The following TRIP4 variants were observed in gnomAD, a reference collection of about 807,000 sequenced individuals.
TRIP4 encodes the protein activating signal cointegrator 1.
Under a neutral mutation model 81.8 loss-of-function variants are expected in TRIP4, and 54 were observed. That is an observed-to-expected ratio of 0.66 (90% CI 0.53 to 0.83). The LOEUF (loss-of-function observed/expected upper bound fraction) is 0.83, where lower values mean the gene tolerates loss of function less well. Among genes scored for constraint, TRIP4 ranks in the 40% least tolerant of loss-of-function variants. TRIP4 has a pLI of 0.00. For synonymous variants in TRIP4, 270 were observed against 242.8 expected (o/e 1.11, Z -1.04); for missense variants, 662 against 683.6 (o/e 0.97, Z 0.35).
At chr15:64,451,652 T>G (rs530141329) in intron 12 of TRIP4, among the ~76,000 whole-genome samples, 1 of 151,368 alleles carries the variant, frequency 6.6e-6, no homozygotes, top group South Asian at 2.1e-4. Flanking sequence ...TTTATTGCTT[T>G]TATTTTTATT....
At chr15:64,398,543 G>A (rs565620636) in intron 4 of TRIP4, among the ~76,000 whole-genome samples, 14 of 151,900 alleles carry the variant, frequency 9.2e-5, no homozygotes, top group Non-Finnish European at 4.4e-5. Context: ...ATCCCAGGAC[G>A]TCCAGGCTGC....
At chr15:64,431,847 A>ATATATATATTTT in intron 11 of TRIP4, among the ~76,000 whole-genome samples, 2,039 of 119,512 alleles carry the variant, frequency 0.017, 29 homozygotes, top group Non-Finnish European at 0.026. Flanking sequence ...ATATATATAT[A>ATATATATATTTT]TTTTTTTTAT....
intron 3 of TRIP4, among the ~76,000 whole-genome samples, chr15:64,395,754 T>C (rs936743785): frequency 6.6e-6 from 1 of 151,882 alleles, no homozygotes; most frequent in East Asian, 1.9e-4. Flanking sequence ...TTTTTTTTTT[T>C]TCCCCAAGAC....
intron 12 of TRIP4, among the ~76,000 whole-genome samples, chr15:64,452,990 A>C (rs918956714): frequency 6.6e-6 from 1 of 152,058 alleles, no homozygotes; most frequent in South Asian, 2.1e-4. Flanking sequence ...TTCAAGACCA[A>C]CTTGGCCAAC....
At chr15:64,398,424 CAAAAAAAAA>C (rs745672952) in intron 4 of TRIP4, among the ~76,000 whole-genome samples, 4 of 16,306 alleles carry the variant, frequency 2.5e-4, no homozygotes, top group Non-Finnish European at 5.0e-4. Flanking sequence ...CCTGTCTCTA[CAAAAAAAAA>C]AAAAAAAAAA....
intron 10 of TRIP4, among the ~76,000 whole-genome samples, chr15:64,425,078 AAAAGCACAC>A (rs1892111397): frequency 1.3e-5 from 2 of 151,988 alleles, no homozygotes; most frequent in South Asian, 4.2e-4. Flanking sequence ...AGCCCGGCCT[AAAAGCACAC>A]TTCTATTCCT....
chr15:64,435,525 CAAA>C (rs35102130), intron 11 of TRIP4, among the ~76,000 whole-genome samples: 19 of 108,308 alleles, frequency 1.8e-4, no homozygotes, highest in Admixed American at 4.9e-4. Context: ...GACTCTGTCT[CAAA>C]AAAAAAAAAA....
At chr15:64,397,897 C>T (rs1900340613) in intron 4 of TRIP4, 79 bp downstream of exon 4, 3 of 1,498,956 alleles carry the variant, frequency 2.0e-6, no homozygotes, top group Middle Eastern at 1.8e-4. Context: ...AGTAATTTCT[C>T]TTTTTTTGTT....
Position 64,409,812 on chromosome 15 carries a change from G to T in TRIP4, c.1027G>T (p.Ala343Ser), listed in dbSNP as rs778414032. 1.9e-6 allele frequency: 3 copies of T among 1,613,968 alleles called. No homozygotes were observed. Among genetic ancestry groups the T allele is most frequent in the Non-Finnish European group, 2.5e-6 (3 of 1,180,016 alleles). The change falls in exon 7 of 13, where the codon GCA becomes TCA. Residue 343 changes from alanine to serine, a missense_variant. Coordinates refer to ENST00000261884, the MANE Select transcript of TRIP4 (RefSeq NM_016213.5). ...RKILEEENSL[A>S]EYHSRLDETI... ...GATCCTGGAAGAAGAAAATTCACTA[G>T]CAGAGTATCATAGCAGGTAAGTGAG...
intron 9 of TRIP4, among the ~76,000 whole-genome samples, chr15:64,421,342 AT>A (rs955322284): frequency 1.7e-3 from 230 of 136,662 alleles, no homozygotes; most frequent in East Asian, 0.012. Flanking sequence ...TCTTTCTTTC[AT>A]TTTTTTTTTT....
At chr15:64,397,023 GTTAGTCA>G (rs1435035859) in intron 3 of TRIP4, among the ~76,000 whole-genome samples, 1 of 152,182 alleles carries the variant, frequency 6.6e-6, no homozygotes, top group African/African-American at 2.4e-5. Context: ...TCATATGCCT[GTTAGTCA>G]TTAGGATATC....
Position 64,409,756 on chromosome 15 carries a change from A to C in TRIP4, c.971A>C (p.Lys324Thr). The change falls in exon 7 of 13, where the codon AAG becomes ACG. Residue 324 changes from lysine to threonine, a missense_variant. Physicochemically the swap from Lys to Thr is moderately conservative, Grantham distance 78. Transcript: ENST00000261884. ...CTTCGACACGCCTCTCGACTTTCTA[A>C]GAAGGTCACCATTGACTTTGCAGGA... ...RELRHASRLS[K>T]KVTIDFAGRK... 1 of 1,614,188 alleles carries C rather than the reference A, an allele frequency of 6.2e-7. No homozygotes were observed. Among genetic ancestry groups the C allele is most frequent in the African/African-American group, 1.3e-5 (1 of 75,044 alleles).
Position 64,425,516 on chromosome 15 carries a change from A to T in TRIP4, c.1484-24A>T, listed in dbSNP as rs189589053. ...GATCACAAAGAAGGAAATTTATTCA[A>T]TATTTTTGTTATTCCTGATTCAGAT... On this transcript the variant is annotated intron_variant, in intron 10 of 12. Transcript: ENST00000261884. The T allele has an allele frequency of 1.1e-5, 18 of 1,586,016 alleles. No homozygotes were observed. The African/African-American group carries it at 2.3e-4, about 20-fold the overall frequency.
intron 7 of TRIP4, among the ~76,000 whole-genome samples, chr15:64,412,468 C>T (rs1223971378): frequency 6.6e-6 from 1 of 151,760 alleles, no homozygotes; most frequent in Non-Finnish European, 1.5e-5. Flanking sequence ...TGGATTGTGC[C>T]TGTTTCATAG....
chr15:64,451,788 G>A (rs1322071962), intron 12 of TRIP4, among the ~76,000 whole-genome samples: 2 of 150,640 alleles, frequency 1.3e-5, no homozygotes, highest in Admixed American at 6.6e-5. Flanking sequence ...TGAGTAGCTG[G>A]GATTACAGAC....
At chr15:64,410,024 GTTT>G (rs200868565) in intron 7 of TRIP4, among the ~76,000 whole-genome samples, 196 bp downstream of exon 7, 1 of 133,856 alleles carries the variant, frequency 7.5e-6, no homozygotes, top group Non-Finnish European at 1.6e-5. Context: ...TTGTGGTTTG[GTTT>G]TTTTTTTTTT....
chr15:64,446,228 C>A (rs1892628768), intron 12 of TRIP4, among the ~76,000 whole-genome samples: 1 of 151,668 alleles, frequency 6.6e-6, no homozygotes, highest in East Asian at 2.0e-4. Flanking sequence ...GAGCCGAGAT[C>A]ACGCCACTGC....
Position 64,388,804 on chromosome 15 carries a change from C to G in TRIP4, c.101+840C>G, listed in dbSNP as rs1033283680. Reference sequence around the variant, plus strand: ...ACCCAGGACAACTTAATTTTTCTCTCTGTACCCTGGTTTCTTCATTTATAA... The same window carrying G: ...ACCCAGGACAACTTAATTTTTCTCTGTGTACCCTGGTTTCTTCATTTATAA... On this transcript the variant is annotated intron_variant, in intron 1 of 12. Coordinates refer to ENST00000261884, the MANE Select transcript of TRIP4 (RefSeq NM_016213.5). Among the ~76,000 whole-genome samples the G allele has an allele frequency of 3.3e-5, 5 of 152,236 alleles. No homozygotes were observed. The East Asian group carries it at 7.7e-4, about 23-fold the overall frequency.
At chr15:64,406,816 G>T (rs553833096) in intron 6 of TRIP4, among the ~76,000 whole-genome samples, 1 of 152,300 alleles carries the variant, frequency 6.6e-6, no homozygotes, top group South Asian at 2.1e-4. Flanking sequence ...CTGGGCTCTG[G>T]AGAATCTGTA....
Sources: gnomAD v4.1 joint callset for allele counts (sites outside exome capture counted in the v4.1 genomes callset) on GRCh38, gnomAD v4.1.1 for gene constraint, MANE v1.5 for transcripts, NCBI Gene and HGNC (gene_info 2026-07-23, HGNC 2026-07-21) for gene names.